The following EYS variants were observed in gnomAD, a reference collection of about 807,000 sequenced individuals.
EYS encodes the protein protein eyes shut homolog.
A neutral mutation model predicts 282.1 loss-of-function variants in EYS; 250 were observed. That is an observed-to-expected ratio of 0.89 (90% confidence interval 0.80 to 0.98). The LOEUF (loss-of-function observed/expected upper bound fraction) is 0.98, where lower values mean the gene tolerates loss of function less well. EYS is among the 50% of genes least tolerant of loss of function. EYS has a pLI of 0.00. For missense variants in EYS, 4,016 were observed against 3,709.0 expected (o/e 1.08, Z -2.15); for synonymous variants, 1,355 against 1,282.9 (o/e 1.06, Z -1.20).
intron 19 of EYS, among the ~76,000 whole-genome samples, chr6:64,865,743 C>T (rs1766405789): frequency 6.6e-6 from 1 of 151,956 alleles, no homozygotes; most frequent in East Asian, 1.9e-4. Flanking sequence ...ACACAGATAT[C>T]TGTTGGGAAT....
chr6:65,310,445 AC>A, intron 11 of EYS, among the ~76,000 whole-genome samples: 1 of 152,128 alleles, frequency 6.6e-6, no homozygotes, highest in South Asian at 2.1e-4. Flanking sequence ...GCCTCTGAGT[AC>A]CCACACTCTT....
At chr6:64,182,227 A>G (rs1764806969) in intron 31 of EYS, among the ~76,000 whole-genome samples, 1 of 152,168 alleles carries the variant, frequency 6.6e-6, no homozygotes, top group Non-Finnish European at 1.5e-5. Context: ...TGAAATCATC[A>G]TATGGAATCT....
intron 12 of EYS, among the ~76,000 whole-genome samples, chr6:65,112,752 A>G (rs1444099808): frequency 6.6e-6 from 1 of 152,164 alleles, no homozygotes; most frequent in East Asian, 1.9e-4. Context: ...AGTGGATATT[A>G]CTTTATGAAT....
At chr6:65,288,750 G>A (rs1438698416) in intron 12 of EYS, among the ~76,000 whole-genome samples, 1 of 151,062 alleles carries the variant, frequency 6.6e-6, no homozygotes, top group Non-Finnish European at 1.5e-5. Flanking sequence ...AATGTCTCCT[G>A]CTATTTTAAA....
intron 26 of EYS, among the ~76,000 whole-genome samples, chr6:64,481,692 G>A (rs1776442430): frequency 7.4e-6 from 1 of 135,244 alleles, no homozygotes; most frequent in African/African-American, 2.6e-5. Context: ...TGAGAGGCCT[G>A]AATTAATGTG....
At chr6:65,594,625 C>G (rs1231695586) in intron 2 of EYS, among the ~76,000 whole-genome samples, 1 of 152,046 alleles carries the variant, frequency 6.6e-6, no homozygotes, top group Non-Finnish European at 1.5e-5. Context: ...CCTGTTCATT[C>G]TGATGGTAGT....
rs1407449852 is a variant in EYS, at chr6:64,686,761, A to ATATGTG, written c.3444-60517_3444-60516insCACATA. 2.1e-4 allele frequency among the ~76,000 whole-genome samples: 4 copies of ATATGTG among 19,466 alleles called. 2 individuals are homozygous for ATATGTG. The highest frequency in any genetic ancestry group is 4.6e-3 in the South Asian group (2 of 438). The allele number at this position is 19,466 out of a possible 152,430, so 12.8% of individuals were successfully genotyped here. ...CATCTAAATATATATATATATATATATGTGTGTATATATATATATATATAT... is the reference window on the plus strand; with the variant it reads ...CATCTAAATATATATATATATATATATATGTGTGTGTGTATATATATATATATATAT... On this transcript the variant is annotated intron_variant, in intron 22 of 42. Transcript: ENST00000503581.
At chr6:63,851,680 A>C (rs1454046215) in intron 36 of EYS, among the ~76,000 whole-genome samples, 1 of 152,212 alleles carries the variant, frequency 6.6e-6, no homozygotes, top group Non-Finnish European at 1.5e-5. Flanking sequence ...CAGTGTTTAG[A>C]GGGAAATTTA....
chr6:65,164,284 A>G (rs1764917800), intron 12 of EYS, among the ~76,000 whole-genome samples: 1 of 151,312 alleles, frequency 6.6e-6, no homozygotes, highest in Admixed American at 6.6e-5. Context: ...TGTTATATAA[A>G]TTAATTTAGG....
intron 26 of EYS, among the ~76,000 whole-genome samples, chr6:64,447,417 T>C (rs1018420766): frequency 1.3e-5 from 2 of 152,042 alleles, no homozygotes; most frequent in Non-Finnish European, 2.9e-5. Flanking sequence ...TAGTATATGA[T>C]AGGTTTTATT....
intron 26 of EYS, among the ~76,000 whole-genome samples, chr6:64,503,925 C>T (rs1225424325): frequency 6.6e-6 from 1 of 152,126 alleles, no homozygotes; most frequent in Non-Finnish European, 1.5e-5. Context: ...TGTGGCACAT[C>T]CCCCTTGGCT....
At chr6:64,027,970 T>C (rs1057231766) in intron 33 of EYS, among the ~76,000 whole-genome samples, 2 of 152,336 alleles carry the variant, frequency 1.3e-5, no homozygotes, top group Admixed American at 6.5e-5. Flanking sequence ...TCAAGGTCCA[T>C]TACCATCTGA....
intron 33 of EYS, among the ~76,000 whole-genome samples, chr6:64,059,702 T>C (rs958678516): frequency 2.0e-5 from 3 of 152,226 alleles, no homozygotes; most frequent in Admixed American, 6.5e-5. Flanking sequence ...CTTAAGCTTA[T>C]GTAATAAAAG....
At chr6:64,451,242 T>C (rs1285214401) in intron 26 of EYS, among the ~76,000 whole-genome samples, 2 of 152,010 alleles carry the variant, frequency 1.3e-5, no homozygotes, top group African/African-American at 4.8e-5. Flanking sequence ...TCTATGCAAA[T>C]AAACTAGAAA....
At chr6:65,358,197 C>A (rs116661595) in intron 8 of EYS, among the ~76,000 whole-genome samples, 3,131 of 151,836 alleles carry the variant, frequency 0.021, 113 homozygotes, top group African/African-American at 0.073. Context: ...TTAAAATAAT[C>A]CCATTTTAAA....
chr6:65,175,219 A>T (rs1765196916), intron 12 of EYS, among the ~76,000 whole-genome samples: 2 of 151,424 alleles, frequency 1.3e-5, no homozygotes, highest in Non-Finnish European at 3.0e-5. Context: ...AATATCATTC[A>T]TTGAATTTGG....
chr6:64,036,200 G>A (rs1224518163), intron 33 of EYS, among the ~76,000 whole-genome samples: 1 of 152,024 alleles, frequency 6.6e-6, no homozygotes, highest in African/African-American at 2.4e-5. Context: ...AAATGCAAAA[G>A]CATGTAAAGA....
At chr6:64,954,146 A>C (rs1318961737) in intron 14 of EYS, among the ~76,000 whole-genome samples, 2 of 152,040 alleles carry the variant, frequency 1.3e-5, no homozygotes, top group Non-Finnish European at 2.9e-5. Flanking sequence ...TTTGTCTACT[A>C]TGCTATTTTC....
At chr6:64,392,740 T>A (rs7743834) in intron 28 of EYS, among the ~76,000 whole-genome samples, 51,283 of 135,582 alleles carry the variant, frequency 0.38, 11,239 homozygotes, top group African/African-American at 0.58. Context: ...GAGCAAACAC[T>A]TTCAAAAGCT....
Sources: gnomAD v4.1 joint callset for allele counts (sites outside exome capture counted in the v4.1 genomes callset) on GRCh38, gnomAD v4.1.1 for gene constraint, MANE v1.5 for transcripts, NCBI Gene and HGNC (gene_info 2026-07-23, HGNC 2026-07-21) for gene names.